The following CEP128 variants were observed in gnomAD, a reference collection of about 807,000 sequenced individuals.
CEP128 encodes centrosomal protein 128kDa.
Under a neutral mutation model 156.7 loss-of-function variants are expected in CEP128, and 132 were observed. That is an observed-to-expected ratio of 0.84 (90% CI 0.73 to 0.97). The LOEUF (loss-of-function observed/expected upper bound fraction) is 0.97. Among genes scored for constraint, CEP128 ranks in the 50% least tolerant of loss-of-function variants. The pLI is 0.00. For synonymous variants in CEP128, 469 were observed against 448.9 expected (o/e 1.04, Z -0.57); for missense variants, 1,252 against 1,281.9 (o/e 0.98, Z 0.36).
intron 16 of CEP128, among the ~76,000 whole-genome samples, chr14:80,766,669 C>T (rs769660600): frequency 3.3e-5 from 5 of 152,002 alleles, no homozygotes; most frequent in African/African-American, 1.2e-4. Context: ...AGAAATATTA[C>T]GTTAAATAAA....
Position 80,885,484 on chromosome 14 carries a change from T to C in CEP128, c.645+10234A>G, listed in dbSNP as rs139312290. ...CCTCTGCTGGTGATACCCAGGCAAA[T>C]AGGGTCTAGAGTGGACCTCCAGCAA... On this transcript the variant is annotated intron_variant, in intron 8 of 24. Transcript: ENST00000555265. Among the ~76,000 whole-genome samples the C allele has an allele frequency of 7.0e-4, 106 of 152,190 alleles. 1 individual carries two copies. Among genetic ancestry groups the C allele is most frequent in the Middle Eastern group, 3.4e-3 (1 of 294 alleles).
chr14:80,679,002 A>G (rs1046552835), intron 19 of CEP128, among the ~76,000 whole-genome samples: 1 of 152,190 alleles, frequency 6.6e-6, no homozygotes, highest in Non-Finnish European at 1.5e-5. Flanking sequence ...TAAATTGTGA[A>G]GATTTCATTT....
intron 20 of CEP128, among the ~76,000 whole-genome samples, chr14:80,568,689 T>C (rs544530274): frequency 1.0e-3 from 156 of 152,262 alleles, no homozygotes; most frequent in Non-Finnish European, 1.7e-3. Flanking sequence ...TTAATCTCCA[T>C]TTCCCAACAC....
chr14:80,883,537 G>C lies in CEP128; in HGVS notation c.645+12181C>G, dbSNP rs542995949. ...AAATACTTAGGAATTAACCAAAAAA[G>C]TGAAAGATCTCTACAGTGAAAACTA... On this transcript the variant is annotated intron_variant, in intron 8 of 24. Transcript: ENST00000555265. Among the ~76,000 whole-genome samples the C allele has an allele frequency of 3.2e-4, 49 of 152,098 alleles. 2 individuals carry two copies. The highest frequency in any genetic ancestry group is 1.1e-3 in the African/African-American group (47 of 41,522).
chr14:80,786,933 C>T (rs1032844330), intron 14 of CEP128, among the ~76,000 whole-genome samples: 1 of 152,102 alleles, frequency 6.6e-6, no homozygotes, highest in African/African-American at 2.4e-5. Context: ...CATAGCAAGA[C>T]CCCGTCTCTA....
chr14:80,847,389 A>G (rs1886661330), intron 9 of CEP128, among the ~76,000 whole-genome samples: 1 of 152,150 alleles, frequency 6.6e-6, no homozygotes, highest in Non-Finnish European at 1.5e-5. Context: ...TCACAGTCTT[A>G]TAGAGAACAA....
chr14:80,853,678 G>A lies in CEP128; in HGVS notation c.762+9079C>T, dbSNP rs902648434. 3.9e-4 allele frequency among the ~76,000 whole-genome samples: 59 copies of A among 151,672 alleles called. 1 individual carries two copies. The highest frequency in any genetic ancestry group is 9.7e-5 in the African/African-American group (4 of 41,342). ...AAATTAGTCTGTACTTAATACAATC[G>A]CAATAAAAATGCCAGCATGATTTTT... On this transcript the variant is annotated intron_variant, in intron 9 of 24. Coordinates refer to ENST00000555265, the MANE Select transcript of CEP128 (RefSeq NM_152446.5).
chr14:80,677,508 CAAA>C (rs57636757), intron 19 of CEP128, among the ~76,000 whole-genome samples: 7 of 94,062 alleles, frequency 7.4e-5, no homozygotes, highest in Admixed American at 6.0e-4. Flanking sequence ...GACTCCGTCT[CAAA>C]AAAAAAAAAA....
intron 23 of CEP128, among the ~76,000 whole-genome samples, chr14:80,506,723 G>A (rs762195419): frequency 3.9e-5 from 6 of 152,138 alleles, no homozygotes; most frequent in Non-Finnish European, 8.8e-5. Flanking sequence ...ATGTACGTAA[G>A]TGCAAAAGAA....
chr14:80,635,512 T>C (rs1231054153), intron 19 of CEP128, among the ~76,000 whole-genome samples: 1 of 152,192 alleles, frequency 6.6e-6, no homozygotes, highest in East Asian at 1.9e-4. Flanking sequence ...ATATAGTCCT[T>C]GAGGCTAAAA....
intron 19 of CEP128, among the ~76,000 whole-genome samples, chr14:80,610,512 C>A (rs1892953048): frequency 6.6e-6 from 1 of 151,958 alleles, no homozygotes; most frequent in Non-Finnish European, 1.5e-5. Flanking sequence ...GAGGATCAAA[C>A]CTTTGGTTTA....
intron 19 of CEP128, among the ~76,000 whole-genome samples, chr14:80,689,252 C>T (rs1025121085): frequency 4.1e-5 from 6 of 146,078 alleles, no homozygotes; most frequent in Admixed American, 2.8e-4. Flanking sequence ...GAGTGACCCA[C>T]TGAACTGCAG....
intron 22 of CEP128, among the ~76,000 whole-genome samples, chr14:80,527,869 C>T (rs978668560): frequency 6.6e-6 from 1 of 151,960 alleles, no homozygotes; most frequent in South Asian, 2.1e-4. Flanking sequence ...TCCAGGCCTG[C>T]CTTTTTTCTT....
chr14:80,646,748 T>C (rs192875727), intron 19 of CEP128, among the ~76,000 whole-genome samples: 4 of 151,770 alleles, frequency 2.6e-5, no homozygotes, highest in Admixed American at 2.6e-4. Context: ...TTAAATATTT[T>C]CATGAATGTA....
intron 19 of CEP128, among the ~76,000 whole-genome samples, chr14:80,587,609 A>G (rs1294181896): frequency 6.6e-6 from 1 of 152,160 alleles, no homozygotes; most frequent in Non-Finnish European, 1.5e-5. Flanking sequence ...TGAGTCTGGC[A>G]CTGAGAAACA....
chr14:80,827,535 G>C (rs952875313), intron 13 of CEP128, among the ~76,000 whole-genome samples: 2 of 152,156 alleles, frequency 1.3e-5, no homozygotes, highest in Non-Finnish European at 2.9e-5. Flanking sequence ...AAGCATAGAA[G>C]ATTGCTGGAA....
At chr14:80,488,885 C>CA (rs1566735146), downstream of CEP128, among the ~76,000 whole-genome samples, 1 of 144,258 alleles carries the variant, frequency 6.9e-6, no homozygotes, top group African/African-American at 2.6e-5. Flanking sequence ...ATCACAAGGA[C>CA]AAAAAACCAA....
intron 19 of CEP128, among the ~76,000 whole-genome samples, chr14:80,693,063 C>T (rs1199216658): frequency 2.0e-5 from 3 of 152,144 alleles, no homozygotes; most frequent in Non-Finnish European, 4.4e-5. Context: ...GACGCAAATG[C>T]TACTGGCCCA....
chr14:80,920,788 C>T (rs545254741), intron 2 of CEP128, among the ~76,000 whole-genome samples: 3 of 152,106 alleles, frequency 2.0e-5, no homozygotes, highest in Non-Finnish European at 4.4e-5. Flanking sequence ...CTATGGTTAG[C>T]GAGGTTGTAG....
Sources: gnomAD v4.1 joint callset for allele counts (sites outside exome capture counted in the v4.1 genomes callset) on GRCh38, gnomAD v4.1.1 for gene constraint, MANE v1.5 for transcripts, NCBI Gene and HGNC (gene_info 2026-07-23, HGNC 2026-07-21) for gene names.